The following CADPS variants were observed in gnomAD, a reference collection of about 807,000 sequenced individuals.
CADPS encodes the protein calcium-dependent secretion activator 1.
Under a neutral mutation model 167.3 loss-of-function variants are expected in CADPS, and 57 were observed. That is an observed-to-expected ratio of 0.34 (90% CI 0.28 to 0.42). The LOEUF (loss-of-function observed/expected upper bound fraction) is 0.42. Among genes scored for constraint, CADPS ranks in the 20% least tolerant of loss-of-function variants. The pLI, the probability that CADPS is intolerant of heterozygous loss-of-function variation, is 1.00. For missense variants in CADPS, 1,414 were observed against 1,738.1 expected (o/e 0.81, Z 3.32); for synonymous variants, 676 against 635.3 (o/e 1.06, Z -0.96).
Position 62,726,487 on chromosome 3 carries a change from C to G in CADPS, c.888+26954G>C, listed in dbSNP as rs539423816. ...TAGATCAGGCCTTAGCCACAAATAT[C>G]AGGTGGATTGAGTATCTACCTCCTT... On this transcript the variant is annotated intron_variant, in intron 3 of 29. Coordinates refer to ENST00000383710, the MANE Select transcript of CADPS (RefSeq NM_003716.4). 2.3e-3 allele frequency among the ~76,000 whole-genome samples: 342 copies of G among 151,986 alleles called. 9 individuals are homozygous for G. Among genetic ancestry groups the G allele is most frequent in the African/African-American group, 7.3e-3 (302 of 41,262 alleles).
At chr3:62,790,410 C>A (rs2092830388) in intron 1 of CADPS, among the ~76,000 whole-genome samples, 1 of 152,040 alleles carries the variant, frequency 6.6e-6, no homozygotes, top group South Asian at 2.1e-4. Context: ...ACCATTTGTT[C>A]TGAATCTTAT....
chr3:62,724,822 C>A (rs1161848795), intron 3 of CADPS, among the ~76,000 whole-genome samples: 1 of 152,220 alleles, frequency 6.6e-6, no homozygotes, highest in Non-Finnish European at 1.5e-5. Flanking sequence ...TCTGATCATA[C>A]CTCTCCACTG....
chr3:62,587,745 G>C (rs1310035962), intron 7 of CADPS, among the ~76,000 whole-genome samples: 2 of 152,176 alleles, frequency 1.3e-5, no homozygotes, highest in African/African-American at 4.8e-5. Context: ...CTCATTACCG[G>C]CTATGCCACA....
chr3:62,474,325 T>A lies in CADPS; in HGVS notation c.3330-5A>T. The A allele has an allele frequency of 6.2e-7, 1 of 1,612,832 alleles. No individual in the cohort carries two copies. Among genetic ancestry groups the A allele is most frequent in the Non-Finnish European group, 8.5e-7 (1 of 1,179,650 alleles). ...ACTTCAAATGCAATCCTGGTTCTATTAAAACAAAGTAGGAAAAGACCAATT... is the reference window on the plus strand; with the variant it reads ...ACTTCAAATGCAATCCTGGTTCTATAAAAACAAAGTAGGAAAAGACCAATT... On this transcript the variant is annotated splice_polypyrimidine_tract_variant and splice_region_variant and intron_variant, in intron 23 of 29. Coordinates refer to ENST00000383710, the MANE Select transcript of CADPS (RefSeq NM_003716.4).
intron 1 of CADPS, among the ~76,000 whole-genome samples, chr3:62,799,060 G>C (rs1220527661): frequency 6.6e-6 from 1 of 152,142 alleles, no homozygotes; most frequent in African/African-American, 2.4e-5. Context: ...CTAGCACCCT[G>C]TTGTGGTGAC....
intron 6 of CADPS, among the ~76,000 whole-genome samples, chr3:62,610,296 G>T (rs1056616284): frequency 6.0e-5 from 9 of 149,922 alleles, no homozygotes; most frequent in African/African-American, 2.2e-4. Flanking sequence ...TGTCACCCCA[G>T]CTGGAGTACA....
At position 62,528,408 on chromosome 3, in the gene CADPS, A is replaced by C. The variant is rs150841235; in HGVS notation, c.2291+4463T>G. ...AAATGAGATAACATATATCAACAGC[A>C]CTTCACTTAGTGCCTGGAATATAGC... On this transcript the variant is annotated intron_variant, in intron 13 of 29. Coordinates refer to ENST00000383710, the MANE Select transcript of CADPS (RefSeq NM_003716.4). 8.1e-4 allele frequency among the ~76,000 whole-genome samples: 124 copies of C among 152,296 alleles called. 1 individual carries two copies. Among genetic ancestry groups the C allele is most frequent in the Non-Finnish European group, 1.4e-3 (92 of 68,016 alleles).
intron 1 of CADPS, among the ~76,000 whole-genome samples, chr3:62,776,724 T>C (rs1480548787): frequency 6.6e-6 from 1 of 152,070 alleles, no homozygotes; most frequent in East Asian, 1.9e-4. Context: ...GGGGTTAGCA[T>C]AGAATCAGGA....
At chr3:62,516,713 T>A in intron 14 of CADPS, 70 bp from the exon 15 acceptor site, 3 of 1,092,506 alleles carry the variant, frequency 2.7e-6, no homozygotes, top group Non-Finnish European at 2.8e-6. Context: ...TGCAATTTGA[T>A]TCCTATAGCA....
chr3:62,607,966 G>A (rs2149236563), intron 6 of CADPS, among the ~76,000 whole-genome samples: 1 of 152,356 alleles, frequency 6.6e-6, no homozygotes, highest in Non-Finnish European at 1.5e-5. Context: ...AAGAATTGGG[G>A]AAATGGCTCT....
chr3:62,630,578 G>C (rs2065088385), intron 6 of CADPS, among the ~76,000 whole-genome samples: 1 of 151,976 alleles, frequency 6.6e-6, no homozygotes, highest in African/African-American at 2.4e-5. Context: ...GCTGGTCTTT[G>C]AACTGGCTTC....
intron 27 of CADPS, among the ~76,000 whole-genome samples, chr3:62,443,839 G>A (rs974886905): frequency 6.6e-6 from 1 of 152,088 alleles, no homozygotes; most frequent in Non-Finnish European, 1.5e-5. Context: ...TGCACCTAAC[G>A]AGTCTTCTAA....
chr3:62,492,209 C>G (rs1460012916), intron 20 of CADPS, 81 bp downstream of exon 20: 1 of 1,218,330 alleles, frequency 8.2e-7, no homozygotes, highest in African/African-American at 1.5e-5. Context: ...AGCCTGTAGT[C>G]TGCTTGGGAT....
At chr3:62,842,682 G>C (rs2076811086) in intron 1 of CADPS, among the ~76,000 whole-genome samples, 2 of 152,304 alleles carry the variant, frequency 1.3e-5, no homozygotes, top group African/African-American at 4.8e-5. Flanking sequence ...AATTGAGGCA[G>C]AGAGGAAGTT....
rs959125576 is a variant in CADPS at position 62,874,349 on chromosome 3, A to AGCGGC, written c.441+235_441+239dup. ...CTCCCGGGCTGGGGGGGCTCGAGCA[A>AGCGGC]GCGGCGCTGCGCTCCGCGGCCCTCG... On this transcript the variant is annotated intron_variant, in intron 1 of 29. Coordinates refer to ENST00000383710, the MANE Select transcript of CADPS (RefSeq NM_003716.4). The surrounding 1 kb of genome is among the most constrained non-coding windows in gnomAD (Gnocchi z 7.1). 5.3e-5 allele frequency among the ~76,000 whole-genome samples: 8 copies of AGCGGC among 152,072 alleles called. No homozygotes were observed. The highest frequency in any genetic ancestry group is 1.0e-4 in the Non-Finnish European group (7 of 68,002).
At chr3:62,459,368 T>C (rs1263522627) in intron 26 of CADPS, among the ~76,000 whole-genome samples, 1 of 152,224 alleles carries the variant, frequency 6.6e-6, no homozygotes, top group African/African-American at 2.4e-5. Context: ...GCTGGAAGTC[T>C]GTACCATAGG....
At chr3:62,713,125 A>T (rs2083729415) in intron 3 of CADPS, among the ~76,000 whole-genome samples, 1 of 152,248 alleles carries the variant, frequency 6.6e-6, no homozygotes, top group Admixed American at 6.5e-5. Flanking sequence ...ACCAAATGCC[A>T]GATATTGTGA....
intron 4 of CADPS, among the ~76,000 whole-genome samples, chr3:62,653,163 T>C (rs1022863307): frequency 6.6e-6 from 1 of 152,192 alleles, no homozygotes; most frequent in East Asian, 1.9e-4. Context: ...TGAAATGGAT[T>C]GAATGTTTGT....
intron 10 of CADPS, among the ~76,000 whole-genome samples, chr3:62,555,784 A>G (rs1355758260): frequency 6.6e-6 from 1 of 152,168 alleles, no homozygotes; most frequent in Non-Finnish European, 1.5e-5. Flanking sequence ...TCTGTCACCC[A>G]GGATGGAGTG....
Sources: gnomAD v4.1 joint callset for allele counts (sites outside exome capture counted in the v4.1 genomes callset) on GRCh38, gnomAD v4.1.1 for gene constraint, Gnocchi (gnomAD v3.1) non-coding constraint, MANE v1.5 for transcripts, NCBI Gene and HGNC (gene_info 2026-07-23, HGNC 2026-07-21) for gene names.